The following ITPRID1 variants were observed in gnomAD, a reference collection of about 807,000 sequenced individuals.
ITPRID1 encodes the protein protein ITPRID1.
Under a neutral mutation model 95.4 loss-of-function variants are expected in ITPRID1, and 96 were observed. That is an observed-to-expected ratio of 1.01 (90% CI 0.85 to 1.19). The LOEUF is 1.19. Ranked by LOEUF, ITPRID1 falls within the 50% of genes most tolerant of loss-of-function variation. ITPRID1 has a pLI of 0.00. For missense variants in ITPRID1, 1,339 were observed against 1,252.9 expected (o/e 1.07, Z -1.04); for synonymous variants, 510 against 453.6 (o/e 1.12, Z -1.58).
At chr7:31,628,603 G>A (rs1034093316) in intron 10 of ITPRID1, among the ~76,000 whole-genome samples, 5 of 151,868 alleles carry the variant, frequency 3.3e-5, no homozygotes, top group Admixed American at 1.3e-4. Context: ...GACTACAGGC[G>A]CCCGCCACCA....
intron 10 of ITPRID1, among the ~76,000 whole-genome samples, chr7:31,617,779 TAATAAAGATAA>T (rs896140729): frequency 6.6e-6 from 1 of 152,130 alleles, no homozygotes; most frequent in African/African-American, 2.4e-5. Flanking sequence ...AAATTGAAGA[TAATAAAGATAA>T]AATGAAAATG....
chr7:31,618,619 C>T (rs148795311), intron 10 of ITPRID1, among the ~76,000 whole-genome samples: 264 of 152,292 alleles, frequency 1.7e-3, no homozygotes, highest in African/African-American at 6.0e-3. Context: ...ATTTCATAAA[C>T]TCCCCTCCAT....
intron 1 of ITPRID1, among the ~76,000 whole-genome samples, chr7:31,516,070 T>G (rs1783031264): frequency 6.6e-6 from 1 of 152,174 alleles, no homozygotes. Flanking sequence ...CATTAATGGT[T>G]AATAAATAAA....
chr7:31,602,098 T>A (rs1302608546), intron 10 of ITPRID1, among the ~76,000 whole-genome samples: 1 of 152,184 alleles, frequency 6.6e-6, no homozygotes, highest in Non-Finnish European at 1.5e-5. Flanking sequence ...CACACTCAAA[T>A]TCAAACAGCC....
chr7:31,516,898 T>C (rs1161147218), intron 1 of ITPRID1, among the ~76,000 whole-genome samples: 3 of 152,138 alleles, frequency 2.0e-5, no homozygotes, highest in Non-Finnish European at 4.4e-5. Context: ...TTAAAAATGG[T>C]GTGTCCAGAG....
intron 10 of ITPRID1, among the ~76,000 whole-genome samples, chr7:31,604,445 G>A (rs531956080): frequency 9.2e-5 from 14 of 152,288 alleles, no homozygotes; most frequent in African/African-American, 3.4e-4. Context: ...TGTTTGTATA[G>A]TTAAGATACC....
intron 1 of ITPRID1, among the ~76,000 whole-genome samples, chr7:31,519,614 C>CTATATATATA (rs1396946575): frequency 9.3e-5 from 4 of 43,166 alleles, no homozygotes; most frequent in East Asian, 1.4e-3. Flanking sequence ...CTCTCTCTCT[C>CTATATATATA]TCTCTCTATA....
intron 1 of ITPRID1, among the ~76,000 whole-genome samples, chr7:31,514,512 T>A (rs1782990035): frequency 6.6e-6 from 1 of 152,174 alleles, no homozygotes; most frequent in South Asian, 2.1e-4. Flanking sequence ...TGGGGGCTAA[T>A]AATTGACAAT....
intron 1 of ITPRID1, among the ~76,000 whole-genome samples, chr7:31,520,008 G>T (rs1171351129): frequency 6.6e-6 from 1 of 151,064 alleles, no homozygotes; most frequent in East Asian, 2.0e-4. Flanking sequence ...ATCATATTTA[G>T]TTGGTACATC....
At chr7:31,658,358 A>T (rs1456426878), downstream of ITPRID1, 1 of 1,519,972 alleles carries the variant, frequency 6.6e-7, no homozygotes, top group Non-Finnish European at 8.8e-7. Flanking sequence ...AAATCAAAAG[A>T]CTTTCTGAAG....
intron 2 of ITPRID1, among the ~76,000 whole-genome samples, 195 bp downstream of exon 2, chr7:31,549,694 C>G (rs1353195966): frequency 1.3e-5 from 2 of 152,122 alleles, no homozygotes; most frequent in Admixed American, 6.6e-5. Context: ...TTTAACCAGA[C>G]AAGAACTAAG....
intron 1 of ITPRID1, among the ~76,000 whole-genome samples, chr7:31,549,048 C>T (rs1367575516): frequency 6.6e-6 from 1 of 152,126 alleles, no homozygotes; most frequent in African/African-American, 2.4e-5. Flanking sequence ...GAGATGTAGA[C>T]AGGGTGTTAG....
chr7:31,519,578 A>ATCTC (rs72374972), intron 1 of ITPRID1, among the ~76,000 whole-genome samples: 509 of 37,366 alleles, frequency 0.014, 24 homozygotes, highest in Middle Eastern at 0.019. Context: ...TATTTCTGGT[A>ATCTC]TCTCTCTCTC....
chr7:31,563,430 G>A (rs562976436), intron 5 of ITPRID1, among the ~76,000 whole-genome samples: 1 of 152,096 alleles, frequency 6.6e-6, no homozygotes, highest in African/African-American at 2.4e-5. Context: ...GATGACACTG[G>A]AGTGTCATCT....
intron 10 of ITPRID1, among the ~76,000 whole-genome samples, chr7:31,620,906 G>C (rs1211709623): frequency 6.6e-6 from 1 of 152,042 alleles, no homozygotes; most frequent in Non-Finnish European, 1.5e-5. Context: ...ACAGAGAAGT[G>C]CTTAAAGGAG....
rs1385675966 is a variant in ITPRID1 at position 31,587,232 on chromosome 7, A to G, written c.1228+4041A>G. 1.1e-4 allele frequency among the ~76,000 whole-genome samples: 17 copies of G among 152,304 alleles called. No individual in the cohort carries two copies. The East Asian group carries it at 3.1e-3, about 28-fold the overall frequency. On this transcript the variant is annotated intron_variant, in intron 10 of 14. Coordinates refer to ENST00000615280, the MANE Select transcript of ITPRID1 (RefSeq NM_001257967.3). ...TTGCAGATGATATGATTGTATATCT[A>G]GAAAACCCCATTGTCTCAGCCCAAA...
intron 10 of ITPRID1, among the ~76,000 whole-genome samples, chr7:31,606,055 G>A (rs535982755): frequency 4.6e-5 from 7 of 152,278 alleles, no homozygotes; most frequent in African/African-American, 1.7e-4. Flanking sequence ...TGAATGTGTA[G>A]ATATTCTATG....
rs575394736 is a variant in ITPRID1, at chr7:31,552,049, C to T, written c.-23-953C>T. 60 of 334,746 alleles carry T rather than the reference C, an allele frequency of 1.8e-4. 2 individuals are homozygous for T. Among genetic ancestry groups the T allele is most frequent in the African/African-American group, 1.2e-3 (56 of 47,146 alleles). The allele number at this position is 334,746 out of a possible 1,614,324, so 20.7% of individuals were successfully genotyped here. ...ATACATAAATGAGTAAGAGAATGGC[C>T]CTTGTTCTCATGGTGCTTATAGTCT... On this transcript the variant is annotated intron_variant, in intron 2 of 14. Transcript: ENST00000615280.
intron 10 of ITPRID1, among the ~76,000 whole-genome samples, chr7:31,618,153 T>TCA (rs1401098419): frequency 6.6e-6 from 1 of 152,176 alleles, no homozygotes; most frequent in African/African-American, 2.4e-5. Flanking sequence ...TATGACTAAG[T>TCA]CACCCAGATC....
Sources: gnomAD v4.1 joint callset for allele counts (sites outside exome capture counted in the v4.1 genomes callset) on GRCh38, gnomAD v4.1.1 for gene constraint, MANE v1.5 for transcripts, NCBI Gene and HGNC (gene_info 2026-07-23, HGNC 2026-07-21) for gene names.